SVOPL: variants seen among roughly 807,000 people sequenced by gnomAD.
SVOPL encodes the protein putative transporter SVOPL.
Under a neutral mutation model 61.0 loss-of-function variants are expected in SVOPL, and 60 were observed. The observed-to-expected ratio is 0.98, with a 90% confidence interval of 0.80 to 1.22. The LOEUF is 1.22. SVOPL is among the 50% of genes most tolerant of loss of function. The pLI is 0.00. For missense variants in SVOPL, 662 were observed against 643.9 expected (o/e 1.03, Z -0.30); for synonymous variants, 279 against 250.0 (o/e 1.12, Z -1.09).
chr7:138,684,993 CAG>C (rs1802774079), intron 1 of SVOPL, among the ~76,000 whole-genome samples: 1 of 149,192 alleles, frequency 6.7e-6, no homozygotes, highest in African/African-American at 2.5e-5. Flanking sequence ...AGTGCAATGG[CAG>C]GATCTCAGCT....
intron 14 of SVOPL, among the ~76,000 whole-genome samples, chr7:138,616,973 T>A (rs142259925): frequency 3.9e-4 from 59 of 152,092 alleles, no homozygotes; most frequent in South Asian, 8.3e-4. Context: ...TTAATTAATT[T>A]ATTTATTTAT....
At chr7:138,655,835 C>T (rs1000808442) in intron 7 of SVOPL, among the ~76,000 whole-genome samples, 1 of 151,984 alleles carries the variant, frequency 6.6e-6, no homozygotes, top group African/African-American at 2.4e-5. Context: ...GGTGAAGAAG[C>T]TATGAACATT....
chr7:138,664,368 A>C, intron 4 of SVOPL: 4 of 395,622 alleles, frequency 1.0e-5, no homozygotes, highest in Non-Finnish European at 1.4e-5. Flanking sequence ...CTAACCCTCC[A>C]ACGCCCCTAA....
At chr7:138,682,962 C>T (rs1802730045) in intron 1 of SVOPL, among the ~76,000 whole-genome samples, 1 of 109,860 alleles carries the variant, frequency 9.1e-6, no homozygotes, top group Admixed American at 8.9e-5. Flanking sequence ...GAGCAAAACT[C>T]CATCTCAAAA....
intron 9 of SVOPL, 40 bp from the exon 10 acceptor site, chr7:138,630,162 T>G (rs368556179): frequency 2.0e-5 from 30 of 1,507,672 alleles, no homozygotes; most frequent in Non-Finnish European, 2.3e-5. Flanking sequence ...CTCAGCAGCT[T>G]AAGGATGAAC....
intron 9 of SVOPL, among the ~76,000 whole-genome samples, chr7:138,642,831 CA>C (rs749603417): frequency 1.0e-3 from 28 of 26,926 alleles, no homozygotes; most frequent in Middle Eastern, 0.022. Flanking sequence ...CTCCTACCTC[CA>C]AAAAAAAAAA....
intron 1 of SVOPL, among the ~76,000 whole-genome samples, chr7:138,699,791 T>C (rs1485698132): frequency 6.6e-6 from 1 of 152,124 alleles, no homozygotes; most frequent in African/African-American, 2.4e-5. Context: ...AAGTCAGCCC[T>C]CGCCCCGCCA....
intron 1 of SVOPL, among the ~76,000 whole-genome samples, chr7:138,686,725 C>T (rs139014404): frequency 0.016 from 2,488 of 151,784 alleles, 45 homozygotes; most frequent in Non-Finnish European, 0.026. Context: ...CCGCCACGCC[C>T]GGCTAATTTT....
intron 3 of SVOPL, among the ~76,000 whole-genome samples, chr7:138,677,070 A>AT (rs1411168965): frequency 1.3e-5 from 2 of 151,616 alleles, no homozygotes; most frequent in Admixed American, 6.6e-5. Context: ...TGCCCGTCTC[A>AT]TTTTTTTGTA....
At chr7:138,683,426 G>C (rs1488162314) in intron 1 of SVOPL, among the ~76,000 whole-genome samples, 2 of 152,056 alleles carry the variant, frequency 1.3e-5, no homozygotes, top group African/African-American at 2.4e-5. Flanking sequence ...GGGGTGCAGT[G>C]GCGGGATCTC....
At chr7:138,630,620 AG>A (rs1800133831) in intron 9 of SVOPL, among the ~76,000 whole-genome samples, 1 of 152,200 alleles carries the variant, frequency 6.6e-6, no homozygotes. Context: ...TCTTGTCCAT[AG>A]TACCTATTGA....
At chr7:138,642,624 C>T (rs1800869130) in intron 9 of SVOPL, among the ~76,000 whole-genome samples, 1 of 151,490 alleles carries the variant, frequency 6.6e-6, no homozygotes, top group Non-Finnish European at 1.5e-5. Flanking sequence ...CTCGGGAGTT[C>T]AAGATCAGCC....
intron 13 of SVOPL, among the ~76,000 whole-genome samples, chr7:138,623,439 A>G (rs1189259938): frequency 1.3e-5 from 2 of 152,120 alleles, no homozygotes; most frequent in East Asian, 3.9e-4. Flanking sequence ...TCTTTACTAA[A>G]AATACAAAAA....
chr7:138,599,167 A>AAAAAAAAAAAAAAAAAAAAAAAAAAAAAC lies in SVOPL; in HGVS notation c.1354-2638_1354-2637insGTTTTTTTTTTTTTTTTTTTTTTTTTTTT, dbSNP rs58372563. Among the ~76,000 whole-genome samples, 4 of 121,808 alleles carry AAAAAAAAAAAAAAAAAAAAAAAAAAAAAC rather than the reference A, an allele frequency of 3.3e-5. 1 individual carries two copies. The highest frequency in any genetic ancestry group is 6.3e-5 in the African/African-American group (2 of 31,520). The allele number at this position is 121,808 out of a possible 152,430, so 79.9% of individuals were successfully genotyped here. A position where few individuals can be genotyped will look rare whatever the true frequency, so the allele number is the denominator to read the frequency against. ...AAAAAAAAAAAAAAAACCAAAAAAA[A>AAAAAAAAAAAAAAAAAAAAAAAAAAAAAC]AAGAAATACAGAAATGTCAAAAGAC... is the stretch of plus-strand genomic sequence containing the variant. On this transcript the variant is annotated intron_variant, in intron 14 of 15. Coordinates refer to ENST00000674285, the MANE Select transcript of SVOPL (RefSeq NM_001139456.2).
At chr7:138,609,564 T>A (rs781171766) in intron 14 of SVOPL, among the ~76,000 whole-genome samples, 2 of 151,058 alleles carry the variant, frequency 1.3e-5, no homozygotes, top group Non-Finnish European at 2.9e-5. Context: ...GAGACTGAGA[T>A]AGGAGGATCA....
intron 9 of SVOPL, among the ~76,000 whole-genome samples, chr7:138,641,408 C>T (rs1277350924): frequency 7.9e-5 from 12 of 152,076 alleles, no homozygotes; most frequent in Admixed American, 5.9e-4. Flanking sequence ...CGGGGCCTCA[C>T]GCCTGTAATC....
rs1616470 is a variant in SVOPL, at chr7:138,624,709, T to C, written c.1263+1260A>G. Among the ~76,000 whole-genome samples the C allele has an allele frequency of 4.6e-3, 690 of 150,572 alleles. 7 individuals carry two copies. Among genetic ancestry groups the C allele is most frequent in the African/African-American group, 0.016 (657 of 41,084 alleles). On this transcript the variant is annotated intron_variant, in intron 13 of 15. Coordinates refer to ENST00000674285, the MANE Select transcript of SVOPL (RefSeq NM_001139456.2). ...AGAACCAAACTTTTTTTTTTTTTTTTAATTTAGAGACATGGTCTTACTTTG... is the reference window on the plus strand; with the variant it reads ...AGAACCAAACTTTTTTTTTTTTTTTCAATTTAGAGACATGGTCTTACTTTG...
intron 14 of SVOPL, among the ~76,000 whole-genome samples, chr7:138,614,474 C>T (rs1222031330): frequency 1.3e-5 from 2 of 151,030 alleles, no homozygotes; most frequent in Non-Finnish European, 2.9e-5. Context: ...CAGCTCACTG[C>T]AACCTCCGCC....
chr7:138,607,187 C>T (rs112611463), intron 14 of SVOPL, among the ~76,000 whole-genome samples: 7 of 151,960 alleles, frequency 4.6e-5, no homozygotes, highest in African/African-American at 9.7e-5. Flanking sequence ...GACATCCAGG[C>T]GAAAATGCTG....
Sources: allele counts gnomAD v4.1 joint callset (sites outside exome capture counted in the v4.1 genomes callset), GRCh38; gene constraint gnomAD v4.1.1; transcripts MANE v1.5; gene names NCBI Gene and HGNC (gene_info 2026-07-23, HGNC 2026-07-21).